Variants in NTM observed in about 807,000 individuals in gnomAD.
NTM encodes the protein neurotrimin.
Under a neutral mutation model 42.1 loss-of-function variants are expected in NTM, and 13 were observed. That is an observed-to-expected ratio of 0.31 (90% CI 0.20 to 0.49). The LOEUF is 0.49. Among genes scored for constraint, NTM ranks in the 20% least tolerant of loss-of-function variants. The pLI, the probability that NTM is intolerant of heterozygous loss-of-function variation, is 0.99. For missense variants in NTM, 373 were observed against 452.8 expected, an observed-to-expected ratio of 0.82 and a Z score of 1.60; for synonymous variants, 187 against 179.2, an observed-to-expected ratio of 1.04 and a Z score of -0.35.
chr11:131,496,317 C>T (rs187092987), intron 1 of NTM, among the ~76,000 whole-genome samples: 75 of 152,328 alleles, frequency 4.9e-4, no homozygotes, highest in African/African-American at 1.8e-3. Context: ...GGAGTTCAGC[C>T]CCATGTCTGG....
intron 1 of NTM, among the ~76,000 whole-genome samples, chr11:131,709,710 C>T (rs916455641): frequency 6.6e-6 from 1 of 152,138 alleles, no homozygotes; most frequent in African/African-American, 2.4e-5. Flanking sequence ...GATTGACCCA[C>T]TTGAGAGTTA....
chr11:131,704,263 C>T (rs572299271), intron 1 of NTM, among the ~76,000 whole-genome samples: 1 of 152,336 alleles, frequency 6.6e-6, no homozygotes, highest in Non-Finnish European at 1.5e-5. Context: ...GAGTCCCACA[C>T]CTGTGGATGC....
At chr11:131,709,814 A>T (rs1263219444) in intron 1 of NTM, among the ~76,000 whole-genome samples, 2 of 152,158 alleles carry the variant, frequency 1.3e-5, no homozygotes, top group Non-Finnish European at 2.9e-5. Flanking sequence ...CCAAGGTGTG[A>T]GCCTTAGGCA....
At chr11:131,460,027 T>C (rs1951232209) in intron 1 of NTM, among the ~76,000 whole-genome samples, 1 of 152,218 alleles carries the variant, frequency 6.6e-6, no homozygotes, top group Non-Finnish European at 1.5e-5. Flanking sequence ...GGAATTTTAG[T>C]TGCCAGAAAG....
chr11:131,518,357 T>C (rs2049159282), intron 1 of NTM, among the ~76,000 whole-genome samples: 1 of 152,210 alleles, frequency 6.6e-6, no homozygotes, highest in African/African-American at 2.4e-5. Flanking sequence ...TCTCAGAGGA[T>C]GCAGGAAGTC....
intron 2 of NTM, among the ~76,000 whole-genome samples, chr11:132,064,109 G>A (rs763274957): frequency 6.3e-4 from 96 of 152,226 alleles, no homozygotes; most frequent in Non-Finnish European, 1.0e-3. Flanking sequence ...CACAAGAAGG[G>A]GAGATGAGAG....
chr11:131,956,603 G>T (rs912905603), intron 2 of NTM, among the ~76,000 whole-genome samples: 2 of 151,998 alleles, frequency 1.3e-5, no homozygotes, highest in African/African-American at 2.4e-5. Flanking sequence ...TGTCTCGGGG[G>T]GTTGGGGGTG....
At chr11:132,272,912 T>C (rs2093549740) in intron 4 of NTM, among the ~76,000 whole-genome samples, 1 of 152,148 alleles carries the variant, frequency 6.6e-6, no homozygotes, top group South Asian at 2.1e-4. Context: ...CTAGAACTGG[T>C]TGAGAGGAGA....
chr11:132,021,602 T>G (rs117500890), intron 2 of NTM, among the ~76,000 whole-genome samples: 1 of 152,214 alleles, frequency 6.6e-6, no homozygotes, highest in Non-Finnish European at 1.5e-5. Context: ...TTCTTTGCTA[T>G]GCATGAACAG....
intron 1 of NTM, among the ~76,000 whole-genome samples, chr11:131,452,152 G>C (rs139568842): frequency 2.0e-5 from 3 of 152,218 alleles, no homozygotes; most frequent in Non-Finnish European, 4.4e-5. Flanking sequence ...TCACCATCAA[G>C]GACTTCTGAA....
chr11:131,438,101 G>A (rs2084440), intron 1 of NTM, among the ~76,000 whole-genome samples: 141,447 of 152,238 alleles, frequency 0.93, 65,880 homozygotes, highest in East Asian at 1. Context: ...AGAATGTTGA[G>A]TATTAGCCCC....
intron 1 of NTM, among the ~76,000 whole-genome samples, chr11:131,742,389 T>A (rs2081304979): frequency 6.6e-6 from 1 of 152,250 alleles, no homozygotes; most frequent in Admixed American, 6.5e-5. Context: ...CATTTTATGA[T>A]CCTTTGGTTC....
At chr11:131,858,629 G>T (rs766807050) in intron 1 of NTM, among the ~76,000 whole-genome samples, 7 of 152,176 alleles carry the variant, frequency 4.6e-5, no homozygotes, top group Non-Finnish European at 8.8e-5. Flanking sequence ...AATAGCAGCC[G>T]CAGGTGCTTT....
intron 1 of NTM, among the ~76,000 whole-genome samples, chr11:131,515,048 A>G (rs187506262): frequency 1.3e-5 from 2 of 152,226 alleles, no homozygotes; most frequent in African/African-American, 4.8e-5. Flanking sequence ...AGCTGGAACT[A>G]CTACCAGCAT....
chr11:132,119,558 C>T lies in NTM; in HGVS notation c.168-26724C>T, dbSNP rs188479561. Among the ~76,000 whole-genome samples, 324 of 152,286 alleles carry T rather than the reference C, an allele frequency of 2.1e-3. 1 individual carries two copies. The highest frequency in any genetic ancestry group is 7.2e-3 in the African/African-American group (300 of 41,556). ...GCCTGGGAATAATTAACCTTCTTAC[C>T]GTTCAATCAGGACGGGAAGCAGCTG... On this transcript the variant is annotated intron_variant, in intron 2 of 8. Transcript: ENST00000683400.
intron 4 of NTM, among the ~76,000 whole-genome samples, chr11:132,227,061 G>T (rs1278231511): frequency 6.6e-6 from 1 of 152,276 alleles, no homozygotes; most frequent in African/African-American, 2.4e-5. Context: ...CCATACAGGT[G>T]GTGTTTAGAG....
intron 1 of NTM, among the ~76,000 whole-genome samples, chr11:131,885,588 G>T (rs1292994864): frequency 6.6e-6 from 1 of 152,144 alleles, no homozygotes; most frequent in Non-Finnish European, 1.5e-5. Context: ...GCCAGAGCCT[G>T]CCCCCACCCC....
intron 3 of NTM, among the ~76,000 whole-genome samples, chr11:132,166,219 T>C (rs1349035385): frequency 1.3e-5 from 2 of 152,132 alleles, no homozygotes; most frequent in Admixed American, 6.5e-5. Flanking sequence ...TTCTTAACCT[T>C]TTTGAATCAC....
intron 2 of NTM, among the ~76,000 whole-genome samples, chr11:132,090,697 C>A (rs202164841): frequency 8.4e-6 from 1 of 119,540 alleles, no homozygotes; most frequent in African/African-American, 3.6e-5. Context: ...CTTTCTTCCC[C>A]TTCTTCCCCA....
Sources: allele counts gnomAD v4.1 joint callset (sites outside exome capture counted in the v4.1 genomes callset), GRCh38; gene constraint gnomAD v4.1.1; transcripts MANE v1.5; gene names NCBI Gene and HGNC (gene_info 2026-07-23, HGNC 2026-07-21).